BCAS3: variants seen among roughly 807,000 people sequenced by gnomAD.
The protein encoded by BCAS3 is BCAS3 microtubule associated cell migration factor.
A neutral mutation model predicts 116.1 loss-of-function variants in BCAS3; 53 were observed. The observed-to-expected ratio is 0.46, with a 90% CI of 0.37 to 0.57. The LOEUF is 0.57. Ranked by LOEUF, BCAS3 falls within the 20% of genes least tolerant of loss-of-function variation. The probability of loss-of-function intolerance (pLI) is 0.00; values close to 1 mark genes in which losing one functional copy is unlikely to be tolerated. For missense variants in BCAS3, 917 were observed against 1,165.4 expected, an observed-to-expected ratio of 0.79 and a Z score of 3.10; for synonymous variants, 391 against 408.2, an observed-to-expected ratio of 0.96 and a Z score of 0.51.
At chr17:60,909,493 A>C (rs1181585036) in intron 11 of BCAS3, among the ~76,000 whole-genome samples, 2 of 152,132 alleles carry the variant, frequency 1.3e-5, no homozygotes, top group Non-Finnish European at 2.9e-5. Flanking sequence ...TTTTTCTTAC[A>C]ACATGAGAAT....
intron 6 of BCAS3, among the ~76,000 whole-genome samples, chr17:60,749,982 A>G (rs1362128965): frequency 6.6e-6 from 1 of 152,186 alleles, no homozygotes; most frequent in Admixed American, 6.6e-5. Context: ...AGTGGCCAAC[A>G]TAGTGAAACC....
chr17:60,806,124 C>T (rs1397345427), intron 6 of BCAS3, among the ~76,000 whole-genome samples: 3 of 152,080 alleles, frequency 2.0e-5, no homozygotes, highest in Non-Finnish European at 4.4e-5. Flanking sequence ...GATCCACCCG[C>T]CTCGGCCTCC....
intron 22 of BCAS3, among the ~76,000 whole-genome samples, chr17:61,341,738 T>C (rs2057170532): frequency 6.6e-6 from 1 of 152,058 alleles, no homozygotes; most frequent in Non-Finnish European, 1.5e-5. Context: ...TTCCATAAAG[T>C]GAGATTCAGC....
intron 19 of BCAS3, among the ~76,000 whole-genome samples, chr17:61,062,650 A>C (rs1244363264): frequency 6.6e-6 from 1 of 152,222 alleles, no homozygotes; most frequent in Non-Finnish European, 1.5e-5. Flanking sequence ...GGGAGTTAAA[A>C]GATACAAATT....
In BCAS3 at chr17:61,065,730, CTG is replaced by C. The variant is rs2070541933; in HGVS notation, c.2030-9186_2030-9185del. 6.6e-6 allele frequency among the ~76,000 whole-genome samples: 1 copy of C among 152,114 alleles called. No homozygotes were observed. The highest frequency in any genetic ancestry group is 3.2e-3 in the Middle Eastern group (1 of 316). Reference sequence around the variant, plus strand: ...GGTAAAGAGTAGGAGAAAACAAAAACTGTGTCTGGTCCTGAATCTGAAGAATT... The same window carrying C: ...GGTAAAGAGTAGGAGAAAACAAAAACTGTCTGGTCCTGAATCTGAAGAATT... On this transcript the variant is annotated intron_variant, in intron 19 of 23. Transcript: ENST00000407086. This position sits in a 1 kb window ranked among gnomAD's most constrained non-coding sequence, Gnocchi z 4.8.
chr17:60,766,226 G>A (rs115437338), intron 6 of BCAS3, among the ~76,000 whole-genome samples: 6,724 of 152,146 alleles, frequency 0.044, 475 homozygotes, highest in African/African-American at 0.15. Flanking sequence ...GCTTTGTTAC[G>A]TTGCTGGCAA....
At position 60,856,924 on chromosome 17, in the gene BCAS3, CTG is replaced by C. The variant is rs1441874460; in HGVS notation, c.477-11648_477-11647del. Reference sequence around the variant, plus strand: ...AACCCTCTTCACTGTAATGAATTCACTGTGTAAATTCCATACCTTTGGCTGTT... The same window carrying C: ...AACCCTCTTCACTGTAATGAATTCACTGTAAATTCCATACCTTTGGCTGTT... On this transcript the variant is annotated intron_variant, in intron 7 of 23. Coordinates refer to ENST00000407086, the MANE Select transcript of BCAS3 (RefSeq NM_017679.5). 9.2e-5 allele frequency among the ~76,000 whole-genome samples: 14 copies of C among 152,286 alleles called. 1 individual carries two copies. In the East Asian group the frequency reaches 2.7e-3, roughly 29 times the overall value.
At chr17:60,981,038 G>A (rs116812796) in intron 14 of BCAS3, among the ~76,000 whole-genome samples, 34 of 152,068 alleles carry the variant, frequency 2.2e-4, no homozygotes, top group African/African-American at 8.0e-4. Context: ...TCCTTGCTAT[G>A]TTGCACAGGC....
intron 15 of BCAS3, among the ~76,000 whole-genome samples, chr17:60,997,258 C>T (rs779205814): frequency 7.2e-5 from 11 of 152,294 alleles, no homozygotes; most frequent in Middle Eastern, 3.4e-3. Flanking sequence ...GGCCACAGAC[C>T]GGTACCAGTC....
At chr17:61,031,264 C>A (rs79235977) in intron 16 of BCAS3, among the ~76,000 whole-genome samples, 55 of 152,134 alleles carry the variant, frequency 3.6e-4, no homozygotes, top group African/African-American at 1.3e-3. Flanking sequence ...ACAAAGCTAG[C>A]ACTTTTCTAA....
chr17:60,683,505 C>CGT, intron 2 of BCAS3, among the ~76,000 whole-genome samples: 1 of 44,490 alleles, frequency 2.2e-5, no homozygotes, highest in East Asian at 6.8e-4. Context: ...AAGAGTTAGC[C>CGT]TTTTTTTTTT....
At chr17:61,159,624 C>G (rs1285405874) in intron 22 of BCAS3, among the ~76,000 whole-genome samples, 1 of 152,194 alleles carries the variant, frequency 6.6e-6, no homozygotes, top group East Asian at 1.9e-4. Context: ...TGGAATGACT[C>G]AACAGTAGTG....
chr17:61,015,007 G>A (rs1046011357), intron 15 of BCAS3, among the ~76,000 whole-genome samples: 3 of 152,096 alleles, frequency 2.0e-5, no homozygotes, highest in Non-Finnish European at 4.4e-5. Context: ...AAATGGAAAG[G>A]CATCCTAAGT....
rs567786116 is a variant in BCAS3 at position 61,235,387 on chromosome 17, A to G, written c.2426-132940A>G. Among the ~76,000 whole-genome samples the G allele has an allele frequency of 7.2e-5, 11 of 152,334 alleles. No homozygotes were observed. Among genetic ancestry groups the G allele is most frequent in the African/African-American group, 2.6e-4 (11 of 41,576 alleles). ...CCTTCAATGAAAATGTACAGTTTTG[A>G]GAATTTCGATATTTGACAGATGATT... is the stretch of plus-strand genomic sequence containing the variant. On this transcript the variant is annotated intron_variant, in intron 22 of 23. Transcript: ENST00000407086. This position sits in a 1 kb window ranked among gnomAD's most constrained non-coding sequence, Gnocchi z 5.0.
intron 6 of BCAS3, among the ~76,000 whole-genome samples, chr17:60,748,732 CTAAT>C (rs1217297279): frequency 6.6e-6 from 1 of 152,082 alleles, no homozygotes; most frequent in Non-Finnish European, 1.5e-5. Flanking sequence ...TTGAAAATAT[CTAAT>C]TAATATTGCT....
rs936705314 is a variant in BCAS3, at chr17:61,315,794, C to A, written c.2426-52533C>A. ...GCACCTCTGCCCTCCCATCTGCCTC[C>A]ACATGCCGCTGCGTCCCCTCCACGG... On this transcript the variant is annotated intron_variant, in intron 22 of 23. Transcript: ENST00000407086. The surrounding 1 kb of genome is among the most constrained non-coding windows in gnomAD (Gnocchi z 5.3). 6.6e-5 allele frequency among the ~76,000 whole-genome samples: 10 copies of A among 152,146 alleles called. No individual in the cohort carries two copies. Among genetic ancestry groups the A allele is most frequent in the African/African-American group, 2.2e-4 (9 of 41,430 alleles).
intron 14 of BCAS3, among the ~76,000 whole-genome samples, chr17:60,989,676 G>T (rs1321493260): frequency 6.6e-6 from 1 of 152,068 alleles, no homozygotes; most frequent in Admixed American, 6.6e-5. Flanking sequence ...TATCAGTTAT[G>T]TGTGTGTGTT....
At chr17:60,784,038 T>C (rs1205620150) in intron 6 of BCAS3, among the ~76,000 whole-genome samples, 2 of 152,164 alleles carry the variant, frequency 1.3e-5, no homozygotes, top group Non-Finnish European at 2.9e-5. Context: ...ATTGTAGAAC[T>C]GCTGCCAGGA....
chr17:60,678,446 C>G (rs1347021590), intron 1 of BCAS3, among the ~76,000 whole-genome samples: 1 of 152,090 alleles, frequency 6.6e-6, no homozygotes, highest in Non-Finnish European at 1.5e-5. Flanking sequence ...TGTAAGAGAT[C>G]TTTGATATTG....
Sources: gnomAD v4.1 joint callset for allele counts (sites outside exome capture counted in the v4.1 genomes callset) on GRCh38, gnomAD v4.1.1 for gene constraint, Gnocchi (gnomAD v3.1) non-coding constraint, MANE v1.5 for transcripts, NCBI Gene and HGNC (gene_info 2026-07-23, HGNC 2026-07-21) for gene names.